ESRRG: variants seen among roughly 807,000 people sequenced by gnomAD.
ESRRG encodes the protein estrogen related receptor gamma.
Under a neutral mutation model 44.0 loss-of-function variants are expected in ESRRG, and 13 were observed. The observed-to-expected ratio is 0.30, with a 90% CI of 0.19 to 0.47. The LOEUF (loss-of-function observed/expected upper bound fraction) is 0.47. Ranked by LOEUF, ESRRG falls within the 20% of genes least tolerant of loss-of-function variation. ESRRG has a pLI of 1.00. For missense variants in ESRRG, 395 were observed against 580.6 expected, an observed-to-expected ratio of 0.68 and a Z score of 3.29; for synonymous variants, 215 against 214.6, an observed-to-expected ratio of 1.00 and a Z score of -0.02.
rs569879235 is a variant in ESRRG, at chr1:216,513,844, T to C, written c.1132+5308A>G. Among the ~76,000 whole-genome samples the C allele has an allele frequency of 5.9e-5, 9 of 152,280 alleles. No individual in the cohort carries two copies. In the South Asian group the frequency reaches 1.9e-3, roughly 32 times the overall value. ...AGTCATAAAGACAATTATAGTATAC[T>C]GGGTAAGTGAATGTTGATATCAATT... On this transcript the variant is annotated intron_variant, in intron 6 of 6. Coordinates refer to ENST00000408911, the MANE Select transcript of ESRRG (RefSeq NM_001438.4).
chr1:216,572,126 G>GGAT (rs1190118648), intron 3 of ESRRG, among the ~76,000 whole-genome samples: 1 of 152,076 alleles, frequency 6.6e-6, no homozygotes, highest in Admixed American at 6.6e-5. Flanking sequence ...TTGTCTAGTA[G>GGAT]GATGATGATC....
chr1:217,128,481 G>C (rs2092919278), intron 1 of ESRRG, among the ~76,000 whole-genome samples: 1 of 152,130 alleles, frequency 6.6e-6, no homozygotes, highest in Admixed American at 6.5e-5. Flanking sequence ...GAAACACCCT[G>C]TCAACCTTTT....
At chr1:217,029,420 T>G (rs2081708274) in intron 1 of ESRRG, among the ~76,000 whole-genome samples, 1 of 152,172 alleles carries the variant, frequency 6.6e-6, no homozygotes, top group Non-Finnish European at 1.5e-5. Flanking sequence ...GTGTTCAAAA[T>G]TCACTAAGTA....
At chr1:216,558,875 TTTG>T (rs1441633193) in intron 5 of ESRRG, among the ~76,000 whole-genome samples, 7 of 152,142 alleles carry the variant, frequency 4.6e-5, no homozygotes, top group African/African-American at 1.7e-4. Flanking sequence ...TTTTTGTTTT[TTTG>T]TTTTTTTTGC....
chr1:216,648,701 A>G (rs1422778507), intron 3 of ESRRG, among the ~76,000 whole-genome samples: 1 of 152,192 alleles, frequency 6.6e-6, no homozygotes, highest in East Asian at 1.9e-4. Context: ...AAAATTGGAG[A>G]AGTGTCTCCA....
rs143651563 is a variant in ESRRG at position 217,133,840 on chromosome 1, A to G, written c.-230+3827T>C. 2.1e-3 allele frequency among the ~76,000 whole-genome samples: 313 copies of G among 152,052 alleles called. 1 individual carries two copies. The highest frequency in any genetic ancestry group is 7.4e-3 in the African/African-American group (306 of 41,466). The stretch of plus-strand genomic sequence containing the variant: ...AACCCTCAACCAAAGAGCTGAGCGC[A>G]TTTACAGTTGGGGAATGGGGCTGAG... On this transcript the variant is annotated intron_variant, in intron 1 of 8. Transcript: ENST00000366940.
intron 1 of ESRRG, chr1:217,078,433 A>T (rs534763568): frequency 6.6e-6 from 1 of 152,282 alleles, no homozygotes; most frequent in Non-Finnish European, 1.5e-5. Context: ...ATGGCATCAC[A>T]TTTCAGCAGA....
chr1:216,675,298 T>C (rs1190985177), intron 2 of ESRRG, among the ~76,000 whole-genome samples: 1 of 151,692 alleles, frequency 6.6e-6, no homozygotes, highest in African/African-American at 2.4e-5. Flanking sequence ...AGATGTAGGT[T>C]GCAGTGAGCC....
At chr1:216,558,624 T>C (rs1002779084) in intron 5 of ESRRG, among the ~76,000 whole-genome samples, 3 of 152,108 alleles carry the variant, frequency 2.0e-5, no homozygotes, top group Non-Finnish European at 4.4e-5. Flanking sequence ...AAATTATTTA[T>C]ACATATAAAT....
At chr1:216,704,193 T>C (rs185571911) in intron 1 of ESRRG, among the ~76,000 whole-genome samples, 163 of 152,264 alleles carry the variant, frequency 1.1e-3, no homozygotes, top group African/African-American at 3.8e-3. Context: ...TTGAGTCAAG[T>C]GGGATACTGT....
intron 5 of ESRRG, among the ~76,000 whole-genome samples, chr1:216,527,761 G>A (rs1179624561): frequency 6.6e-6 from 1 of 152,068 alleles, no homozygotes; most frequent in Non-Finnish European, 1.5e-5. Flanking sequence ...CATGATCGTT[G>A]TCACTGGGTA....
chr1:216,546,905 G>A (rs545163166), intron 5 of ESRRG, among the ~76,000 whole-genome samples: 33 of 151,732 alleles, frequency 2.2e-4, no homozygotes, highest in African/African-American at 6.8e-4. Context: ...TGCTGCACCC[G>A]TCAAACCATC....
At chr1:216,576,772 C>T (rs576057665) in intron 3 of ESRRG, among the ~76,000 whole-genome samples, 2 of 152,098 alleles carry the variant, frequency 1.3e-5, no homozygotes, top group African/African-American at 4.8e-5. Context: ...GGTAAGGTTG[C>T]TTCATCTGAA....
At chr1:216,712,028 T>C (rs979166455) in intron 1 of ESRRG, among the ~76,000 whole-genome samples, 1 of 152,332 alleles carries the variant, frequency 6.6e-6, no homozygotes, top group Middle Eastern at 3.4e-3. Flanking sequence ...AGGAATTTTA[T>C]GATTTCAAAT....
At chr1:216,805,426 C>G (rs2094758067) in intron 2 of ESRRG, 1 of 152,150 alleles carries the variant, frequency 6.6e-6, no homozygotes, top group Non-Finnish European at 1.5e-5. Flanking sequence ...TGCTGGATGC[C>G]TCTTACTTGG....
At chr1:216,989,150 C>A (rs773699142) in intron 1 of ESRRG, among the ~76,000 whole-genome samples, 16 of 152,130 alleles carry the variant, frequency 1.1e-4, no homozygotes, top group Middle Eastern at 6.8e-3. Flanking sequence ...ATATCGGTGT[C>A]TTTTTATTTA....
intron 2 of ESRRG, among the ~76,000 whole-genome samples, chr1:216,936,171 G>A (rs1578357350): frequency 6.6e-6 from 1 of 151,910 alleles, no homozygotes; most frequent in Non-Finnish European, 1.5e-5. Context: ...GTGAAGGTTG[G>A]GGGTGTTGTG....
intron 1 of ESRRG, among the ~76,000 whole-genome samples, chr1:216,975,914 C>T (rs952965655): frequency 6.6e-6 from 1 of 152,138 alleles, no homozygotes; most frequent in Non-Finnish European, 1.5e-5. Context: ...CTTCTTATCC[C>T]ACAAAGCTCA....
intron 1 of ESRRG, among the ~76,000 whole-genome samples, chr1:217,044,556 T>G (rs539440186): frequency 6.6e-6 from 1 of 152,322 alleles, no homozygotes; most frequent in South Asian, 2.1e-4. Flanking sequence ...CTCCCTATGC[T>G]GACCTCCATC....
Sources: gnomAD v4.1 joint callset for allele counts (sites outside exome capture counted in the v4.1 genomes callset) on GRCh38, gnomAD v4.1.1 for gene constraint, MANE v1.5 for transcripts, NCBI Gene and HGNC (gene_info 2026-07-23, HGNC 2026-07-21) for gene names.